The following TASP1 variants were observed in gnomAD, a reference collection of about 807,000 sequenced individuals.
TASP1 encodes taspase 1, also known as threonine aspartase 1.
A neutral mutation model predicts 56.6 loss-of-function variants in TASP1; 16 were observed. The ratio of observed to expected loss-of-function variants is 0.28; its 90% confidence interval spans 0.19 to 0.43. The LOEUF (loss-of-function observed/expected upper bound fraction) is 0.43, where lower values mean the gene tolerates loss of function less well. Among genes scored for constraint, TASP1 ranks in the 20% least tolerant of loss-of-function variants. The probability of loss-of-function intolerance (pLI) is 1.00; values close to 1 mark genes in which losing one functional copy is unlikely to be tolerated. For missense variants in TASP1, 393 were observed against 511.6 expected (o/e 0.77, Z 2.24); for synonymous variants, 179 against 184.2 (o/e 0.97, Z 0.23).
chr20:13,255,631 C>T, the TASP1 span, among the ~76,000 whole-genome samples: 2,990 of 152,130 alleles, frequency 0.02, 73 homozygotes, highest in African/African-American at 0.056. Context: ...GAAAGAAGTG[C>T]GACACTAGGG....
intron 10 of TASP1, among the ~76,000 whole-genome samples, chr20:13,501,622 T>G (rs531194411): frequency 5.9e-5 from 9 of 151,824 alleles, no homozygotes; most frequent in African/African-American, 2.2e-4. Flanking sequence ...AACGAAAGAA[T>G]AGAAAACAAA....
At chr20:13,426,574 G>A (rs1264060251) in intron 12 of TASP1, among the ~76,000 whole-genome samples, 1 of 152,090 alleles carries the variant, frequency 6.6e-6, no homozygotes, top group Non-Finnish European at 1.5e-5. Context: ...TTAAAGGAAA[G>A]AAAGTCCTGG....
chr20:13,495,082 G>T (rs891291675), intron 10 of TASP1, among the ~76,000 whole-genome samples: 1 of 151,918 alleles, frequency 6.6e-6, no homozygotes, highest in African/African-American at 2.4e-5. Flanking sequence ...ACATAAGCAA[G>T]ACAGTTATAC....
the TASP1 span, among the ~76,000 whole-genome samples, chr20:13,211,887 A>C: frequency 1.3e-5 from 2 of 152,192 alleles, no homozygotes. Flanking sequence ...ATATAAGTAC[A>C]TAAGTAACGC....
chr20:13,264,203 C>A, the TASP1 span, among the ~76,000 whole-genome samples: 1 of 152,150 alleles, frequency 6.6e-6, no homozygotes, highest in African/African-American at 2.4e-5. Flanking sequence ...AATTTGCCAG[C>A]CAGTCTGCCT....
chr20:13,499,959 T>C (rs1482509142), intron 10 of TASP1, among the ~76,000 whole-genome samples: 4 of 151,808 alleles, frequency 2.6e-5, no homozygotes, highest in Admixed American at 2.0e-4. Flanking sequence ...AAGGAAATAA[T>C]AGACACTGAG....
chr20:13,155,579 C>T, the TASP1 span, among the ~76,000 whole-genome samples: 1 of 152,168 alleles, frequency 6.6e-6, no homozygotes, highest in Non-Finnish European at 1.5e-5. Flanking sequence ...GTAATCCCAT[C>T]ACTTTGGGAG....
chr20:13,132,591 A>G, the TASP1 span, among the ~76,000 whole-genome samples: 1 of 152,114 alleles, frequency 6.6e-6, no homozygotes, highest in Non-Finnish European at 1.5e-5. Flanking sequence ...TGCCTATTTT[A>G]TTTATTACAC....
the TASP1 span, among the ~76,000 whole-genome samples, chr20:13,105,278 T>C: frequency 6.8e-6 from 1 of 146,056 alleles, no homozygotes; most frequent in Non-Finnish European, 1.5e-5. Flanking sequence ...AAAAAAAAAA[T>C]GGCTAATTGA....
At chr20:13,233,119 C>T in the TASP1 span, among the ~76,000 whole-genome samples, 1 of 152,182 alleles carries the variant, frequency 6.6e-6, no homozygotes, top group African/African-American at 2.4e-5. Context: ...TTCTCTTGCC[C>T]CATTCCTTGT....
chr20:13,428,211 G>C (rs968386900), intron 12 of TASP1, among the ~76,000 whole-genome samples: 1 of 152,160 alleles, frequency 6.6e-6, no homozygotes, highest in African/African-American at 2.4e-5. Flanking sequence ...GAACTTCATA[G>C]GGTCTATCAG....
chr20:13,437,352 C>A (rs567728059), intron 11 of TASP1, among the ~76,000 whole-genome samples: 28 of 152,232 alleles, frequency 1.8e-4, no homozygotes, highest in Admixed American at 1.3e-3. Context: ...ATTGATGGGA[C>A]GTATCTCAAA....
At chr20:13,132,703 T>A in the TASP1 span, 1 of 152,178 alleles carries the variant, frequency 6.6e-6, no homozygotes, top group East Asian at 1.9e-4. Context: ...CTGATCTCTT[T>A]TACATCTCTG....
At chr20:13,502,169 G>C (rs2043970326) in intron 10 of TASP1, among the ~76,000 whole-genome samples, 1 of 151,830 alleles carries the variant, frequency 6.6e-6, no homozygotes, top group Non-Finnish European at 1.5e-5. Context: ...GATGTCTTAG[G>C]AGATTATCTG....
the TASP1 span, among the ~76,000 whole-genome samples, chr20:13,232,083 C>T: frequency 6.6e-6 from 1 of 152,188 alleles, no homozygotes; most frequent in South Asian, 2.1e-4. Flanking sequence ...ACATGCCTTG[C>T]CTCACAGGTA....
At chr20:13,399,018 A>T (rs1390437229) in intron 13 of TASP1, among the ~76,000 whole-genome samples, 2 of 152,202 alleles carry the variant, frequency 1.3e-5, no homozygotes, top group Non-Finnish European at 2.9e-5. Flanking sequence ...TCCAATGCCA[A>T]ATCCAATAGC....
At chr20:13,585,681 TG>T (rs2047277837) in intron 5 of TASP1, among the ~76,000 whole-genome samples, 1 of 152,074 alleles carries the variant, frequency 6.6e-6, no homozygotes, top group Non-Finnish European at 1.5e-5. Context: ...CATATCAAAA[TG>T]GCTGAATTTT....
intron 8 of TASP1, among the ~76,000 whole-genome samples, chr20:13,552,207 C>T (rs746328449): frequency 3.9e-5 from 6 of 152,060 alleles, no homozygotes; most frequent in Non-Finnish European, 8.8e-5. Flanking sequence ...TATAAACTCC[C>T]CCGCCATCTC....
chr20:13,343,361 C>G, the TASP1 span, among the ~76,000 whole-genome samples: 1 of 152,268 alleles, frequency 6.6e-6, no homozygotes, highest in African/African-American at 2.4e-5. Context: ...GGGCCTCATT[C>G]TCCAGGTACT....
Sources: gnomAD v4.1 joint callset for allele counts (sites outside exome capture counted in the v4.1 genomes callset) on GRCh38, gnomAD v4.1.1 for gene constraint, MANE v1.5 for transcripts, NCBI Gene and HGNC (gene_info 2026-07-23, HGNC 2026-07-21) for gene names.